PSMC3IP: variants seen among roughly 807,000 people sequenced by gnomAD.
PSMC3IP encodes PSMC3 interacting protein, also known as homologous-pairing protein 2 homolog.
A neutral mutation model predicts 34.9 loss-of-function variants in PSMC3IP; 26 were observed. That is an observed-to-expected ratio of 0.74 (90% CI 0.55 to 1.03). The LOEUF (loss-of-function observed/expected upper bound fraction) is 1.03. Ranked by LOEUF, PSMC3IP falls within the 50% of genes least tolerant of loss-of-function variation. The probability of loss-of-function intolerance (pLI) is 0.00; values close to 1 mark genes in which losing one functional copy is unlikely to be tolerated. For synonymous variants in PSMC3IP, 87 were observed against 96.5 expected, an observed-to-expected ratio of 0.90 and a Z score of 0.57; for missense variants, 250 against 263.1, an observed-to-expected ratio of 0.95 and a Z score of 0.34.
intron 4 of PSMC3IP, 129 bp from the exon 5 acceptor site, chr17:42,573,752 A>T: frequency 6.6e-7 from 1 of 1,506,966 alleles, no homozygotes; most frequent in South Asian, 1.2e-5. Flanking sequence ...TAAGCCATAC[A>T]GGATTATTTA....
At chr17:42,577,616 C>T (rs947990873) in intron 1 of PSMC3IP, 37 bp downstream of exon 1, 1 of 1,614,166 alleles carries the variant, frequency 6.2e-7, no homozygotes. Flanking sequence ...TCACCCACTG[C>T]CCTCCCGGGT....
chr17:42,573,281 G>T, intron 6 of PSMC3IP, 30 bp downstream of exon 6: 1 of 1,614,034 alleles, frequency 6.2e-7, no homozygotes. Flanking sequence ...GGCACCTCCA[G>T]GGCCTGTCTC....
At chr17:42,575,000 C>T (rs191916035) in intron 3 of PSMC3IP, among the ~76,000 whole-genome samples, 59 of 152,270 alleles carry the variant, frequency 3.9e-4, no homozygotes, top group African/African-American at 1.4e-3. Flanking sequence ...GTGATCCATC[C>T]GCCTCAGCCT....
At position 42,572,919 on chromosome 17, in the gene PSMC3IP, T is replaced by C. The variant is rs1239953808; in HGVS notation, c.*49A>G. On this transcript the variant is annotated 3_prime_UTR_variant, in exon 8 of 8. Transcript: ENST00000393795. ...AACAAGGTAGCCAGTGCAAGACATC[T>C]CACTCTTCTGACATCCTGCAGTCCC... 1.3e-6 allele frequency: 2 copies of C among 1,598,952 alleles called. No homozygotes were observed. Among genetic ancestry groups the C allele is most frequent in the East Asian group, 4.5e-5 (2 of 44,802 alleles).
chr17:42,577,186 G>A (rs371989566), intron 3 of PSMC3IP, 27 bp downstream of exon 3: 21 of 1,613,806 alleles, frequency 1.3e-5, no homozygotes, highest in South Asian at 6.6e-5. Flanking sequence ...GCTCTCATGG[G>A]TGACAATCGG....
intron 3 of PSMC3IP, among the ~76,000 whole-genome samples, chr17:42,574,786 C>A (rs2093064342): frequency 6.6e-6 from 1 of 150,848 alleles, no homozygotes; most frequent in South Asian, 2.1e-4. Context: ...CTCTTTCTTT[C>A]TCTGTCACCC....
In PSMC3IP at chr17:42,577,575, G is replaced by A. The variant is rs757745009; in HGVS notation, c.35-14C>T. On this transcript the variant is annotated splice_polypyrimidine_tract_variant and intron_variant, in intron 1 of 7. Transcript: ENST00000393795. ...GGATCCCGGCGGCTACGGAGAGAAA[G>A]GCAGGGGAGGGGGCCACTCAACCGA... The A allele has an allele frequency of 6.2e-7, 1 of 1,614,168 alleles. No homozygotes were observed. Among genetic ancestry groups the A allele is most frequent in the Admixed American group, 1.7e-5 (1 of 60,028 alleles).
At position 42,577,219 on chromosome 17, in the gene PSMC3IP, C is replaced by T. The variant is rs775053481; in HGVS notation, c.219G>A (p.Ala73=). ...CGGCGCAAGTTCTCCTCACCTGATC[C>T]GCAAAATAGATCTTCTGCTTGCCGT... ...KMYGKQKIYF[A]DQDQFDMVSD... The change falls in exon 3 of 8, where the codon GCG becomes GCA. Residue 73 remains alanine, a synonymous_variant. Coordinates refer to ENST00000393795, the MANE Select transcript of PSMC3IP (RefSeq NM_016556.4). 6.2e-7 allele frequency: 1 copy of T among 1,613,978 alleles called. No individual in the cohort carries two copies. Among genetic ancestry groups the T allele is most frequent in the Non-Finnish European group, 8.5e-7 (1 of 1,180,006 alleles).
In PSMC3IP at chr17:42,573,029, G is replaced by GAGAC; in HGVS notation, c.598-9_598-6dup. The GAGAC allele has an allele frequency of 1.2e-6, 2 of 1,614,212 alleles. No individual in the cohort carries two copies. Among genetic ancestry groups the GAGAC allele is most frequent in the Non-Finnish European group, 1.7e-6 (2 of 1,180,024 alleles). ...CGTCTCTATCCCAACTTCCTCCTGT[G>GAGAC]AGACAGGGAGACAAGTGAATGAGAT... is the stretch of plus-strand genomic sequence containing the variant. On this transcript the variant is annotated splice_polypyrimidine_tract_variant and splice_region_variant and intron_variant, in intron 7 of 7. Coordinates refer to ENST00000393795, the MANE Select transcript of PSMC3IP (RefSeq NM_016556.4).
chr17:42,574,123 G>T lies in PSMC3IP; in HGVS notation c.313C>A (p.Gln105Lys). The change falls in exon 4 of 8, where the codon CAG (glutamine) becomes AAG (lysine). Residue 105 changes from glutamine (Q) to lysine (K), a missense_variant. Transcript: ENST00000393795. ...CCAGCCTCCATGTAGCGGCAGCTCT[G>T]CTGCAAGCTCTGCACCTTAGCAGTG... The part of the protein sequence containing the change: ...ALTAKVQSLQ[Q>K]SCRYMEAELK... 6.2e-7 allele frequency: 1 copy of T among 1,614,148 alleles called. No homozygotes were observed. The highest frequency in any genetic ancestry group is 1.1e-5 in the South Asian group (1 of 91,072).
At chr17:42,576,332 T>C (rs2093075448) in intron 3 of PSMC3IP, among the ~76,000 whole-genome samples, 1 of 152,080 alleles carries the variant, frequency 6.6e-6, no homozygotes, top group African/African-American at 2.4e-5. Flanking sequence ...CATTGAAGAG[T>C]TTTAAATAGG....
In PSMC3IP at chr17:42,572,840, G is replaced by A. The variant is rs900894492; in HGVS notation, c.*128C>T. ...GTGCTCTGGTTTATGCTTGTCTCCT[G>A]ACTGCTCTGCTTAAAGGTGAAAGTA... On this transcript the variant is annotated 3_prime_UTR_variant, in exon 8 of 8. Coordinates refer to ENST00000393795, the MANE Select transcript of PSMC3IP (RefSeq NM_016556.4). The A allele has an allele frequency of 8.8e-7, 1 of 1,138,752 alleles. No homozygotes were observed. Among genetic ancestry groups the A allele is most frequent in the African/African-American group, 1.5e-5 (1 of 65,388 alleles). 70.5% of individuals were successfully genotyped at this position (1,138,752 alleles called of 1,614,324 possible). A position where few individuals can be genotyped will look rare whatever the true frequency, so the allele number is the denominator to read the frequency against.
chr17:42,574,830 T>A (rs1046946181), intron 3 of PSMC3IP, among the ~76,000 whole-genome samples: 2 of 148,910 alleles, frequency 1.3e-5, no homozygotes, highest in African/African-American at 4.9e-5. Flanking sequence ...CTTGGCTGAC[T>A]GCAACCTCCG....
chr17:42,573,598 C>T lies in PSMC3IP; in HGVS notation c.363G>A (p.Leu121=), dbSNP rs200088437. Residue 121 remains leucine (L), a synonymous_variant, in exon 5 of 8, where the codon CTG becomes CTA. Coordinates refer to ENST00000393795, the MANE Select transcript of PSMC3IP (RefSeq NM_016556.4). ...EAELKELSSA[L]TTPEMQKEIQ... ...TTTCTTTCTGCATCTCTGGTGTGGT[C>T]AGGGCACTAGATAATTCCTTGAGCT... 3.3e-4 allele frequency: 529 copies of T among 1,614,206 alleles called. 1 individual carries two copies. Among genetic ancestry groups the T allele is most frequent in the Non-Finnish European group, 2.3e-4 (266 of 1,180,018 alleles).
intron 3 of PSMC3IP, among the ~76,000 whole-genome samples, chr17:42,575,632 A>G (rs1167544944): frequency 6.6e-6 from 1 of 152,204 alleles, no homozygotes; most frequent in African/African-American, 2.4e-5. Flanking sequence ...ATAAAAATGA[A>G]TTGAGAAATG....
At chr17:42,573,260 C>G (rs375509656) in intron 6 of PSMC3IP, 51 bp downstream of exon 6, 11 of 1,613,822 alleles carry the variant, frequency 6.8e-6, no homozygotes, top group Non-Finnish European at 9.3e-6. Context: ...CTGGTGCCTG[C>G]CATTTTCAAA....
intron 3 of PSMC3IP, among the ~76,000 whole-genome samples, chr17:42,576,510 GA>G (rs1419086870): frequency 6.6e-6 from 1 of 152,050 alleles, no homozygotes; most frequent in Non-Finnish European, 1.5e-5. Context: ...TTCAAGAATG[GA>G]AAAATTAGCC....
chr17:42,572,867 C>G lies in PSMC3IP; in HGVS notation c.*101G>C. 7.3e-7 allele frequency: 1 copy of G among 1,363,736 alleles called. No individual in the cohort carries two copies. The highest frequency in any genetic ancestry group is 1.2e-5 in the South Asian group (1 of 84,760). 84.5% of individuals were successfully genotyped at this position (1,363,736 alleles called of 1,614,324 possible). On this transcript the variant is annotated 3_prime_UTR_variant, in exon 8 of 8. Transcript: ENST00000393795. Reference sequence around the variant, plus strand: ...CTGCTCTGCTTAAAGGTGAAAGTAGCAGGAACAACAACAAAAGCCAACCAA... The same window carrying G: ...CTGCTCTGCTTAAAGGTGAAAGTAGGAGGAACAACAACAAAAGCCAACCAA...
Position 42,573,305 on chromosome 17 carries a change from A to C in PSMC3IP, c.537+6T>G. Reference sequence around the variant, plus strand: ...AGGGCCTGTCTCGGAGCTCCCACACACTTACCATCCTCTTCCTCTTCCTCC... The same window carrying C: ...AGGGCCTGTCTCGGAGCTCCCACACCCTTACCATCCTCTTCCTCTTCCTCC... On this transcript the variant is annotated splice_donor_region_variant and intron_variant, in intron 6 of 7. Coordinates refer to ENST00000393795, the MANE Select transcript of PSMC3IP (RefSeq NM_016556.4). The C allele has an allele frequency of 6.2e-7, 1 of 1,613,962 alleles. No individual in the cohort carries two copies. The highest frequency in any genetic ancestry group is 8.5e-7 in the Non-Finnish European group (1 of 1,179,978).
Sources: allele counts gnomAD v4.1 joint callset (sites outside exome capture counted in the v4.1 genomes callset), GRCh38; gene constraint gnomAD v4.1.1; transcripts MANE v1.5; gene names NCBI Gene and HGNC (gene_info 2026-07-23, HGNC 2026-07-21).